ZNF43: variants seen among roughly 807,000 people sequenced by gnomAD.
ZNF43 encodes zinc finger protein 39-like 1 (KOX 27).
ZNF43 carries 44 observed loss-of-function variants against 68.4 expected under a neutral mutation model. The ratio of observed to expected loss-of-function variants is 0.64; its 90% confidence interval spans 0.51 to 0.83. The LOEUF (loss-of-function observed/expected upper bound fraction) is 0.83. Ranked by LOEUF, ZNF43 falls within the 40% of genes least tolerant of loss-of-function variation. ZNF43 has a pLI of 0.00. For missense variants in ZNF43, 896 were observed against 933.2 expected, an observed-to-expected ratio of 0.96 and a Z score of 0.52; for synonymous variants, 308 against 307.8, an observed-to-expected ratio of 1.00 and a Z score of -0.01.
intron 1 of ZNF43, among the ~76,000 whole-genome samples, chr19:21,829,978 G>A (rs1332312608): frequency 1.3e-5 from 2 of 152,198 alleles, no homozygotes; most frequent in Non-Finnish European, 2.9e-5. Context: ...AAGGCTGGGT[G>A]CAGTGGCTCA....
At position 21,825,318 on chromosome 19, in the gene ZNF43, A is replaced by C. The variant is rs576413473; in HGVS notation, c.4-6097T>G. ...AGAAATAACACTGATTATTGATTGGATATACATTGTTAAGGTTTAAGGTAT... is the reference window on the plus strand; with the variant it reads ...AGAAATAACACTGATTATTGATTGGCTATACATTGTTAAGGTTTAAGGTAT... On this transcript the variant is annotated intron_variant, in intron 1 of 3. Transcript: ENST00000354959. Among the ~76,000 whole-genome samples the C allele has an allele frequency of 2.0e-5, 3 of 152,294 alleles. No individual in the cohort carries two copies. In the South Asian group the frequency reaches 6.2e-4, roughly 32 times the overall value.
rs1251494555 is a variant in ZNF43, at chr19:21,815,842, T to C, written c.229+2046A>G. Reference sequence around the variant, plus strand: ...GAGAGGCTGAGATGGGTGGATCATTTGAGGTCAGAAGTTATAGACCAACCT... The same window carrying C: ...GAGAGGCTGAGATGGGTGGATCATTCGAGGTCAGAAGTTATAGACCAACCT... On this transcript the variant is annotated intron_variant, in intron 3 of 3. Coordinates refer to ENST00000354959, the MANE Select transcript of ZNF43 (RefSeq NM_003423.4). 4.6e-5 allele frequency among the ~76,000 whole-genome samples: 7 copies of C among 152,056 alleles called. No individual in the cohort carries two copies. In the East Asian group the frequency reaches 1.4e-3, roughly 29 times the overall value.
intron 1 of ZNF43, chr19:21,843,193 C>T (rs921885875): frequency 8.7e-5 from 15 of 172,224 alleles, no homozygotes. Context: ...GCGACAGCAC[C>T]AAGGCAAGAG....
At chr19:21,829,067 T>TAAAAAAC (rs2038294853) in intron 1 of ZNF43, among the ~76,000 whole-genome samples, 1 of 80,644 alleles carries the variant, frequency 1.2e-5, no homozygotes, top group Non-Finnish European at 2.5e-5. Context: ...AAAAAAAAAT[T>TAAAAAAC]AGCCGGACGT....
intron 1 of ZNF43, among the ~76,000 whole-genome samples, chr19:21,824,894 G>A (rs2038039677): frequency 6.6e-6 from 1 of 152,056 alleles, no homozygotes; most frequent in African/African-American, 2.4e-5. Context: ...AAGTAGATTT[G>A]TAAAGGCAAA....
chr19:21,824,745 A>AG (rs973774146), intron 1 of ZNF43, among the ~76,000 whole-genome samples: 1 of 151,528 alleles, frequency 6.6e-6, no homozygotes, highest in African/African-American at 2.4e-5. Flanking sequence ...AAAAAAAAAA[A>AG]AAAAAAGAAA....
upstream of ZNF43, chr19:21,839,656 G>C (rs531191356): frequency 6.6e-6 from 1 of 152,258 alleles, no homozygotes; most frequent in South Asian, 2.1e-4. Context: ...AGGAAAGAAG[G>C]GTCAAATTAT....
intron 1 of ZNF43, among the ~76,000 whole-genome samples, chr19:21,825,067 T>C (rs551539215): frequency 2.0e-5 from 3 of 152,148 alleles, no homozygotes; most frequent in Non-Finnish European, 4.4e-5. Context: ...AAAACCCTGT[T>C]TCTACTAATA....
At chr19:21,851,778 C>T (rs1315828938) in intron 1 of ZNF43, 4 of 1,023,552 alleles carry the variant, frequency 3.9e-6, no homozygotes, top group Non-Finnish European at 5.4e-6. Flanking sequence ...CGCCATCTTG[C>T]GGCCAGAGGG....
rs948654982 is a variant in ZNF43, at chr19:21,848,061, G to A, written c.30+3844C>T. On this transcript the variant is annotated intron_variant, in intron 1 of 3. Coordinates refer to the ZNF43 transcript ENST00000357491. ...TCTTGAACTCCTGACCTCAGGTGAT[G>A]CACCCGCCTCAGCCTTCCAAACTGA... Among the ~76,000 whole-genome samples, 12 of 151,738 alleles carry A rather than the reference G, an allele frequency of 7.9e-5. No homozygotes were observed. In the East Asian group the frequency reaches 2.4e-3, roughly 30 times the overall value.
intron 1 of ZNF43, among the ~76,000 whole-genome samples, chr19:21,820,996 A>C (rs1205365704): frequency 6.7e-6 from 1 of 150,280 alleles, no homozygotes; most frequent in East Asian, 2.0e-4. Flanking sequence ...ACCACACCTG[A>C]CTAATTTTCT....
rs368889082 is a variant in ZNF43, at chr19:21,812,288, G to A, written c.230-2481C>T. 1.2e-3 allele frequency among the ~76,000 whole-genome samples: 179 copies of A among 152,138 alleles called. 1 individual carries two copies. The highest frequency in any genetic ancestry group is 4.0e-3 in the African/African-American group (164 of 41,508). On this transcript the variant is annotated intron_variant, in intron 3 of 3. Coordinates refer to ENST00000354959, the MANE Select transcript of ZNF43 (RefSeq NM_003423.4). Reference sequence around the variant, plus strand: ...ATTACAGGCGCGCACCACCACGCCCGGCTAATTTTTTATATTTTTAGTAGA... The same window carrying A: ...ATTACAGGCGCGCACCACCACGCCCAGCTAATTTTTTATATTTTTAGTAGA...
At chr19:21,838,121 CTT>C (rs1408136606), upstream of ZNF43, 1 of 152,118 alleles carries the variant, frequency 6.6e-6, no homozygotes. Flanking sequence ...TTCTGTCTGT[CTT>C]TGGTTCTCAA....
intron 1 of ZNF43, among the ~76,000 whole-genome samples, chr19:21,849,289 G>C (rs1392576163): frequency 6.6e-6 from 1 of 151,962 alleles, no homozygotes; most frequent in Non-Finnish European, 1.5e-5. Context: ...GGGAGTTCTA[G>C]ACTAGCCTGA....
Position 21,809,676 on chromosome 19 carries a change from C to T in ZNF43, c.361G>A (p.Val121Met), listed in dbSNP as rs1262611808. 6.2e-7 allele frequency: 1 copy of T among 1,613,438 alleles called. No homozygotes were observed. Among genetic ancestry groups the T allele is most frequent in the South Asian group, 1.1e-5 (1 of 90,990 alleles). Residue 121 changes from valine to methionine, a missense_variant, in exon 4 of 4, where the codon GTG becomes ATG. Physicochemically the swap from Val to Met is conservative, Grantham distance 21 (BLOSUM62 1). Transcript: ENST00000354959. ...CCTCTGTGCACCTTACACTCATCCA[C>T]ACTTTTATGGTCTTTTTTTAAATGT... is the stretch of plus-strand genomic sequence containing the variant. Reference protein sequence around the residue: ...NVHLKKDHKSVDECKVHRGGY... With the variant: ...NVHLKKDHKSMDECKVHRGGY...
intron 3 of ZNF43, among the ~76,000 whole-genome samples, chr19:21,817,079 T>C (rs2037564962): frequency 6.6e-6 from 1 of 151,998 alleles, no homozygotes; most frequent in Non-Finnish European, 1.5e-5. Flanking sequence ...CTGTCTCTAC[T>C]AAAAATACAA....
At chr19:21,841,984 T>C (rs1195500946) in intron 1 of ZNF43, among the ~76,000 whole-genome samples, 3 of 152,188 alleles carry the variant, frequency 2.0e-5, no homozygotes, top group Non-Finnish European at 2.9e-5. Flanking sequence ...CTCTCCTGCA[T>C]GGGCCCTGCT....
chr19:21,809,363 G>T lies in ZNF43; in HGVS notation c.674C>A (p.Thr225Asn). ...SIITKHKRIN[T>N]GEKPYTCEEC... is the part of the protein sequence containing the mutation. The stretch of plus-strand genomic sequence containing the variant: ...TTCACATGTGTAGGGTTTCTCTCCA[G>T]TATTAATTCTCTTATGTTTAGTGAT... Residue 225 changes from threonine (T) to asparagine (N), a missense_variant, in exon 4 of 4, where the codon ACT becomes AAT. Physicochemically the swap from Thr to Asn is moderately conservative, Grantham distance 65 (BLOSUM62 0). Coordinates refer to ENST00000354959, the MANE Select transcript of ZNF43 (RefSeq NM_003423.4). The T allele has an allele frequency of 6.2e-7, 1 of 1,613,704 alleles. No homozygotes were observed. The highest frequency in any genetic ancestry group is 8.5e-7 in the Non-Finnish European group (1 of 1,179,872).
At chr19:21,834,749 G>A (rs1368704966) in intron 1 of ZNF43, among the ~76,000 whole-genome samples, 2 of 150,312 alleles carry the variant, frequency 1.3e-5, no homozygotes, top group African/African-American at 4.9e-5. Context: ...CGAGAGGAAG[G>A]ATGGAAGCAA....
Sources: allele counts gnomAD v4.1 joint callset (sites outside exome capture counted in the v4.1 genomes callset), GRCh38; gene constraint gnomAD v4.1.1; transcripts MANE v1.5; gene names NCBI Gene and HGNC (gene_info 2026-07-23, HGNC 2026-07-21).